The following KLHL29 variants were observed in gnomAD, a reference collection of about 807,000 sequenced individuals.
KLHL29 encodes kelch like family member 29, also known as kelch-like protein 29.
Under a neutral mutation model 80.4 loss-of-function variants are expected in KLHL29, and 21 were observed. That is an observed-to-expected ratio of 0.26 (90% CI 0.19 to 0.38). The LOEUF (loss-of-function observed/expected upper bound fraction) is 0.38. Ranked by LOEUF, KLHL29 falls within the 10% of genes least tolerant of loss-of-function variation. The pLI is 1.00. For missense variants in KLHL29, 867 were observed against 1,223.9 expected (o/e 0.71, Z 4.35); for synonymous variants, 511 against 526.8 (o/e 0.97, Z 0.41).
intron 12 of KLHL29, 92 bp from the exon 13 acceptor site, chr2:23,703,627 A>C: frequency 7.1e-7 from 1 of 1,399,372 alleles, no homozygotes; most frequent in South Asian, 1.5e-5. Flanking sequence ...AAGTCTTTCG[A>C]GCTTCCTTCC....
chr2:23,467,838 C>T (rs1664394316), intron 1 of KLHL29, among the ~76,000 whole-genome samples: 1 of 151,994 alleles, frequency 6.6e-6, no homozygotes. Context: ...TGAAACCAAC[C>T]CAGCACTCTT....
At chr2:23,418,503 T>A (rs1662672411) in intron 1 of KLHL29, among the ~76,000 whole-genome samples, 1 of 152,232 alleles carries the variant, frequency 6.6e-6, no homozygotes, top group Admixed American at 6.5e-5. Context: ...CATGATTTAG[T>A]GCCCTGGCAT....
chr2:23,533,162 C>T (rs778597081), intron 2 of KLHL29, among the ~76,000 whole-genome samples: 24 of 152,128 alleles, frequency 1.6e-4, no homozygotes, highest in Non-Finnish European at 2.2e-4. Flanking sequence ...TGTACACATA[C>T]GGCAGGCCTG....
intron 3 of KLHL29, among the ~76,000 whole-genome samples, chr2:23,588,742 T>C (rs1253512666): frequency 6.6e-6 from 1 of 152,224 alleles, no homozygotes; most frequent in East Asian, 1.9e-4. Flanking sequence ...AGGGTTGTTC[T>C]AGGCTGTACC....
At chr2:23,605,764 G>T (rs1668704725) in intron 3 of KLHL29, among the ~76,000 whole-genome samples, 1 of 137,184 alleles carries the variant, frequency 7.3e-6, no homozygotes, top group African/African-American at 2.7e-5. Flanking sequence ...CTCAGGAACT[G>T]GGAAAACCGT....
intron 2 of KLHL29, among the ~76,000 whole-genome samples, chr2:23,556,437 G>T (rs530792320): frequency 5.3e-5 from 8 of 151,838 alleles, no homozygotes; most frequent in Admixed American, 2.6e-4. Context: ...CCAGGAGTTT[G>T]AGACCAACCT....
At chr2:23,556,307 G>A (rs761731537) in intron 2 of KLHL29, among the ~76,000 whole-genome samples, 28 of 152,094 alleles carry the variant, frequency 1.8e-4, no homozygotes, top group Admixed American at 5.2e-4. Context: ...TCGCGGAGGC[G>A]CAGGCGTGGT....
At chr2:23,587,277 G>A (rs73919771) in intron 3 of KLHL29, among the ~76,000 whole-genome samples, 1,666 of 147,420 alleles carry the variant, frequency 0.011, 33 homozygotes, top group African/African-American at 0.04. Flanking sequence ...GCTTTTTGCC[G>A]GTGCTGTTCG....
At chr2:23,569,929 G>A (rs2103501768) in intron 3 of KLHL29, among the ~76,000 whole-genome samples, 1 of 152,280 alleles carries the variant, frequency 6.6e-6, no homozygotes, top group East Asian at 1.9e-4. Flanking sequence ...ATGGGGAAGA[G>A]GCATCGTGGA....
chr2:23,671,397 CAA>C (rs1670755147), intron 5 of KLHL29, among the ~76,000 whole-genome samples: 1 of 152,020 alleles, frequency 6.6e-6, no homozygotes, highest in African/African-American at 2.4e-5. Context: ...CTGACTTTCC[CAA>C]AGCCGTAGCT....
chr2:23,636,928 C>T (rs1669628014), intron 3 of KLHL29, among the ~76,000 whole-genome samples: 1 of 152,158 alleles, frequency 6.6e-6, no homozygotes, highest in Non-Finnish European at 1.5e-5. Flanking sequence ...CCAGAAGCTT[C>T]CCTACCCTGT....
At position 23,693,321 on chromosome 2, in the gene KLHL29, C is replaced by T; in HGVS notation, c.1335C>T (p.Ala445=). ...TGGGCGTGCTGGCCATGGCCGAGGC[C>T]ATGCAGTGCAGCGAGCTCTACCACA... The part of the protein sequence containing the change: ...NCLGVLAMAE[A]MQCSELYHMA... The change falls in exon 8 of 14, where the codon GCC becomes GCT. Residue 445 remains alanine (A), a synonymous_variant. Transcript: ENST00000486442. 1.9e-6 allele frequency: 3 copies of T among 1,550,810 alleles called. No homozygotes were observed. The highest frequency in any genetic ancestry group is 2.6e-6 in the Non-Finnish European group (3 of 1,146,662).
chr2:23,697,678 G>A (rs1024181854), intron 11 of KLHL29: 1 of 152,154 alleles, frequency 6.6e-6, no homozygotes, highest in Admixed American at 6.5e-5. Context: ...CCCAAGTAGA[G>A]CCCAGAGATG....
chr2:23,583,924 T>C (rs1668048670), intron 3 of KLHL29, among the ~76,000 whole-genome samples: 1 of 152,218 alleles, frequency 6.6e-6, no homozygotes, highest in South Asian at 2.1e-4. Context: ...GGAGAAAAAG[T>C]GGGCAGATTC....
rs944333938 is a variant in KLHL29, at chr2:23,707,555, T to C, written c.*891T>C. 10 of 152,140 alleles carry C rather than the reference T, an allele frequency of 6.6e-5. No individual in the cohort carries two copies. The highest frequency in any genetic ancestry group is 2.1e-4 in the South Asian group (1 of 4,840). 9.4% of individuals were successfully genotyped at this position (152,140 alleles called of 1,614,324 possible). On this transcript the variant is annotated 3_prime_UTR_variant, in exon 14 of 14. Transcript: ENST00000486442. ...TGGGGTGGGCGATGCCCCCATTTTA[T>C]TTTTAGAAAAAGTAACTCCCAGACA... is the stretch of plus-strand genomic sequence containing the variant.
Position 23,695,906 on chromosome 2 carries a change from C to T in KLHL29, c.1742-45C>T. 1.3e-6 allele frequency: 2 copies of T among 1,539,586 alleles called. No homozygotes were observed. The highest frequency in any genetic ancestry group is 1.8e-6 in the Non-Finnish European group (2 of 1,141,028). On this transcript the variant is annotated intron_variant, in intron 9 of 13. Transcript: ENST00000486442. This position sits in a 1 kb window ranked among gnomAD's most constrained non-coding sequence, Gnocchi z 7.6. ...GTGAGGTGCCAGGCACAGATGCCGA[C>T]AGTCTTAGAGTGTGTCCCAAGGGCG...
rs566083288 is a variant in KLHL29 at position 23,421,194 on chromosome 2, C to CA, written c.-154+35415dup. 2.5e-4 allele frequency among the ~76,000 whole-genome samples: 38 copies of CA among 152,362 alleles called. No individual in the cohort carries two copies. In the East Asian group the frequency reaches 6.0e-3, roughly 24 times the overall value. On this transcript the variant is annotated intron_variant, in intron 1 of 13. Coordinates refer to ENST00000486442, the MANE Select transcript of KLHL29 (RefSeq NM_052920.2). The stretch of plus-strand genomic sequence containing the variant: ...CTGTTCCAGGTCCTTTGAGCCCCTG[C>CA]AGTCCTCCTGGTCTGTCACATGCTA...
chr2:23,585,811 A>G (rs1479568191), intron 3 of KLHL29, among the ~76,000 whole-genome samples: 2 of 152,232 alleles, frequency 1.3e-5, no homozygotes, highest in East Asian at 3.8e-4. Flanking sequence ...CCGCCCTCCC[A>G]GAAACGAACT....
chr2:23,401,275 C>T (rs1234477197), intron 1 of KLHL29, among the ~76,000 whole-genome samples: 3 of 152,082 alleles, frequency 2.0e-5, no homozygotes, highest in Non-Finnish European at 4.4e-5. Context: ...ATTTGGGGGC[C>T]CTCCAAGAGA....
Sources: allele counts gnomAD v4.1 joint callset (sites outside exome capture counted in the v4.1 genomes callset), GRCh38; gene constraint gnomAD v4.1.1; non-coding constraint Gnocchi (gnomAD v3.1); transcripts MANE v1.5; gene names NCBI Gene and HGNC (gene_info 2026-07-23, HGNC 2026-07-21).